The following MOB2 variants were observed in gnomAD, a reference collection of about 807,000 sequenced individuals.
MOB2 encodes the protein MOB kinase activator 2.
In MOB2, 14 loss-of-function variants were observed where a neutral mutation model predicts 27.4. That is an observed-to-expected ratio of 0.51 (90% CI 0.34 to 0.80). The LOEUF (loss-of-function observed/expected upper bound fraction) is 0.80. MOB2 is among the 30% of genes least tolerant of loss of function. MOB2 has a pLI of 0.01. For missense variants in MOB2, 304 were observed against 354.6 expected, an observed-to-expected ratio of 0.86 and a Z score of 1.15; for synonymous variants, 167 against 151.8, an observed-to-expected ratio of 1.10 and a Z score of -0.74.
rs918960519 is a variant in MOB2, at chr11:1,471,487, C to T, written c.366-68G>A. 1.1e-4 allele frequency: 170 copies of T among 1,551,746 alleles called. 2 individuals are homozygous for T. Among genetic ancestry groups the T allele is most frequent in the South Asian group, 6.9e-4 (56 of 81,562 alleles). ...ACCCACCCAGCCACTGGGTCCCACC[C>T]GCTCAGGTCATCTGCGGGCAGAGGT... On this transcript the variant is annotated intron_variant, in intron 3 of 4. Coordinates refer to ENST00000329957, the MANE Select transcript of MOB2 (RefSeq NM_001172223.3).
At chr11:1,476,541 T>C (rs1212430545) in intron 3 of MOB2, among the ~76,000 whole-genome samples, 1 of 152,240 alleles carries the variant, frequency 6.6e-6, no homozygotes, top group South Asian at 2.1e-4. Flanking sequence ...GGCTTACCAA[T>C]TTATTACCTT....
chr11:1,469,776 G>A lies in MOB2; in HGVS notation c.*396C>T. 2.1e-6 allele frequency: 1 copy of A among 485,364 alleles called. No individual in the cohort carries two copies. Among genetic ancestry groups the A allele is most frequent in the South Asian group, 1.5e-5 (1 of 64,802 alleles). The allele number at this position is 485,364 out of a possible 1,614,324, so 30.1% of individuals were successfully genotyped here. ...GAAAGCAAGCCCCACCCCCAGAGCA[G>A]AGCAGAGACCCAGGTCTGCAAATCA... On this transcript the variant is annotated 3_prime_UTR_variant, in exon 5 of 5. Coordinates refer to ENST00000329957, the MANE Select transcript of MOB2 (RefSeq NM_001172223.3).
At chr11:1,478,247 C>T (rs1847873894) in intron 3 of MOB2, among the ~76,000 whole-genome samples, 2 of 152,204 alleles carry the variant, frequency 1.3e-5, no homozygotes, top group Admixed American at 6.5e-5. Flanking sequence ...CACGGCCGCC[C>T]TGGGAACGGC....
chr11:1,472,846 G>GGGCACAGGGCCTCCAGCA (rs1847810125), intron 3 of MOB2: 9 of 64,998 alleles, frequency 1.4e-4, no homozygotes, highest in African/African-American at 3.8e-4. Context: ...GGCCTCCAGC[G>GGGCACAGGGCCTCCAGCA]TCTCCGGGCA....
At chr11:1,481,048 CG>C in intron 1 of MOB2, 163 bp from the exon 2 acceptor site, 1 of 841,736 alleles carries the variant, frequency 1.2e-6, no homozygotes, top group East Asian at 2.7e-5. Flanking sequence ...GGGACACCAA[CG>C]GTGAGGCTGC....
chr11:1,475,744 G>A (rs777150131), intron 3 of MOB2, among the ~76,000 whole-genome samples: 35 of 152,126 alleles, frequency 2.3e-4, no homozygotes, highest in African/African-American at 5.1e-4. Flanking sequence ...TACTCAACAC[G>A]CACTGTGGCT....
At chr11:1,480,997 G>A (rs770368048) in intron 1 of MOB2, 112 bp from the exon 2 acceptor site, 34 of 1,319,820 alleles carry the variant, frequency 2.6e-5, no homozygotes, top group Admixed American at 1.3e-4. Flanking sequence ...CGAGCCCATC[G>A]GGGCGACACT....
Position 1,470,329 on chromosome 11 carries a change from G to A in MOB2, c.650C>T (p.Ala217Val). The stretch of plus-strand genomic sequence containing the variant: ...GGGGTCCAGCAGGTTGAACTCCCGA[G>A]CAAAGAGGATGAAGTGGACGTAGAG... Reference protein sequence around the residue: ...NTLYVHFILFAREFNLLDPKE... With the variant: ...NTLYVHFILFVREFNLLDPKE... The change falls in exon 5 of 5, where the codon GCT (alanine) becomes GTT (valine). Residue 217 changes from alanine (A) to valine (V), a missense_variant. Physicochemically the swap from Ala to Val is moderately conservative, Grantham distance 64. Transcript: ENST00000329957. The A allele has an allele frequency of 1.2e-6, 2 of 1,613,544 alleles. No individual in the cohort carries two copies. Among genetic ancestry groups the A allele is most frequent in the Non-Finnish European group, 1.7e-6 (2 of 1,179,904 alleles).
intron 3 of MOB2, chr11:1,472,482 C>T (rs1175101762): frequency 6.5e-6 from 1 of 152,810 alleles, no homozygotes; most frequent in African/African-American, 2.4e-5. Flanking sequence ...ACGCCCCCTC[C>T]ACACCATGGC....
chr11:1,470,575 G>T, intron 4 of MOB2, 87 bp from the exon 5 acceptor site: 6 of 1,442,256 alleles, frequency 4.2e-6, no homozygotes, highest in Non-Finnish European at 5.6e-6. Flanking sequence ...GGTGGGTCTG[G>T]TACCTGCCAC....
chr11:1,470,704 G>A (rs1847777086), intron 4 of MOB2, among the ~76,000 whole-genome samples: 1 of 152,228 alleles, frequency 6.6e-6, no homozygotes, highest in Non-Finnish European at 1.5e-5. Flanking sequence ...AGACCTCCCT[G>A]CGTGCTCAGG....
chr11:1,475,193 C>A (rs1169092889), intron 3 of MOB2, among the ~76,000 whole-genome samples: 1 of 152,174 alleles, frequency 6.6e-6, no homozygotes, highest in Non-Finnish European at 1.5e-5. Flanking sequence ...TTATAAATGG[C>A]ATGTTAAATA....
chr11:1,482,136 C>T lies in MOB2; in HGVS notation c.111-1251G>A, dbSNP rs1311170746. 2.6e-5 allele frequency among the ~76,000 whole-genome samples: 4 copies of T among 152,352 alleles called. No individual in the cohort carries two copies. The East Asian group carries it at 7.7e-4, about 29-fold the overall frequency. ...ACACCACACCCCACCCGGGCAGCTA[C>T]AGCCTGGGCTCGGCCTTCCCATTTG... On this transcript the variant is annotated intron_variant, in intron 1 of 4. Coordinates refer to ENST00000329957, the MANE Select transcript of MOB2 (RefSeq NM_001172223.3).
At chr11:1,482,291 C>T (rs1207886941) in intron 1 of MOB2, among the ~76,000 whole-genome samples, 1 of 152,230 alleles carries the variant, frequency 6.6e-6, no homozygotes, top group South Asian at 2.1e-4. Context: ...CGCAGGGCTG[C>T]CAGCAGGAGC....
intron 3 of MOB2, among the ~76,000 whole-genome samples, chr11:1,477,438 G>A (rs1847863729): frequency 6.6e-6 from 1 of 152,174 alleles, no homozygotes; most frequent in African/African-American, 2.4e-5. Context: ...GTGACACACA[G>A]GGTGCTTATG....
intron 1 of MOB2, 21 bp from the exon 2 acceptor site, chr11:1,480,906 G>A: frequency 1.3e-6 from 2 of 1,550,808 alleles, no homozygotes; most frequent in South Asian, 1.2e-5. Flanking sequence ...AGGAGACGCG[G>A]TGTGGTCACT....
At chr11:1,480,629 GGCT>G in intron 2 of MOB2, 93 bp downstream of exon 2, 1 of 1,536,300 alleles carries the variant, frequency 6.5e-7, no homozygotes, top group Middle Eastern at 2.1e-4. Context: ...CGCGGCAGGG[GGCT>G]GCTGAGCACC....
Position 1,486,485 on chromosome 11 carries a change from G to A in MOB2, c.72C>T (p.Cys24=), listed in dbSNP as rs2133370860. Residue 24 remains cysteine (C), a synonymous_variant, in exon 1 of 5, where the codon TGC becomes TGT. Coordinates refer to ENST00000329957, the MANE Select transcript of MOB2 (RefSeq NM_001172223.3). ...RPGQSLQSGL[C]CKMVLQAVSK... ...TGACAGCCTGAAGCACCATTTTGCA[G>A]CAGAGTCCACTTTGCAGGGACTGGC... is the stretch of plus-strand genomic sequence containing the variant. The A allele has an allele frequency of 6.5e-7, 1 of 1,535,910 alleles. No homozygotes were observed. The highest frequency in any genetic ancestry group is 1.2e-5 in the South Asian group (1 of 84,066).
intron 3 of MOB2, among the ~76,000 whole-genome samples, chr11:1,478,015 T>C (rs1847870687): frequency 2.0e-5 from 3 of 152,256 alleles, no homozygotes; most frequent in African/African-American, 7.2e-5. Context: ...CCTATTCTGA[T>C]TCTGACTGCG....
Sources: gnomAD v4.1 joint callset for allele counts (sites outside exome capture counted in the v4.1 genomes callset) on GRCh38, gnomAD v4.1.1 for gene constraint, MANE v1.5 for transcripts, NCBI Gene and HGNC (gene_info 2026-07-23, HGNC 2026-07-21) for gene names.